SCRG1: variants seen among roughly 807,000 people sequenced by gnomAD.
SCRG1 encodes the protein stimulator of chondrogenesis 1, also known as scrapie-responsive protein 1.
In SCRG1, 3 loss-of-function variants were observed where a neutral mutation model predicts 7.7. That is an observed-to-expected ratio of 0.39 (90% CI 0.18 to 1.01). The LOEUF (loss-of-function observed/expected upper bound fraction) is 1.01, where lower values mean the gene tolerates loss of function less well. Ranked by LOEUF, SCRG1 falls within the 50% of genes least tolerant of loss-of-function variation. The pLI is 0.36. For synonymous variants in SCRG1, 46 were observed against 41.2 expected (o/e 1.12, Z -0.44); for missense variants, 110 against 117.2 (o/e 0.94, Z 0.28).
At chr4:173,490,389 T>C in the SCRG1 span, among the ~76,000 whole-genome samples, 2 of 152,206 alleles carry the variant, frequency 1.3e-5, no homozygotes, top group Non-Finnish European at 2.9e-5. Context: ...CAGGAATTGC[T>C]TCATTAAGAA....
At chr4:173,457,669 T>G in the SCRG1 span, among the ~76,000 whole-genome samples, 4 of 152,166 alleles carry the variant, frequency 2.6e-5, no homozygotes, top group Non-Finnish European at 5.9e-5. Context: ...ACTTTTAACT[T>G]AGGTTTTATC....
At chr4:173,454,212 T>G in the SCRG1 span, among the ~76,000 whole-genome samples, 1 of 151,748 alleles carries the variant, frequency 6.6e-6, no homozygotes, top group African/African-American at 2.4e-5. Context: ...AGACAGGCAA[T>G]GCAGTTGAAA....
chr4:173,454,926 T>C, the SCRG1 span, among the ~76,000 whole-genome samples: 5 of 152,336 alleles, frequency 3.3e-5, no homozygotes, highest in South Asian at 6.2e-4. Flanking sequence ...AAGTGCTAAA[T>C]AGCTATTTCC....
chr4:173,414,310 A>G, the SCRG1 span, among the ~76,000 whole-genome samples: 1 of 152,180 alleles, frequency 6.6e-6, no homozygotes, highest in Non-Finnish European at 1.5e-5. Context: ...AGTTTCTTTA[A>G]AATCAACAGA....
chr4:173,494,803 A>G, the SCRG1 span, among the ~76,000 whole-genome samples: 1 of 152,254 alleles, frequency 6.6e-6, no homozygotes, highest in Admixed American at 6.5e-5. Context: ...AGTGGATTCC[A>G]CATTTAAGGC....
At chr4:173,419,696 A>G in the SCRG1 span, 1 of 863,462 alleles carries the variant, frequency 1.2e-6, no homozygotes, top group Non-Finnish European at 2.0e-6. Context: ...CGGGGCACCA[A>G]ACACTTTATT....
the SCRG1 span, among the ~76,000 whole-genome samples, chr4:173,435,817 C>T: frequency 6.6e-6 from 1 of 152,114 alleles, no homozygotes; most frequent in Non-Finnish European, 1.5e-5. Context: ...GTCGCCATGC[C>T]TCTCAAAATT....
At chr4:173,446,888 A>G in the SCRG1 span, among the ~76,000 whole-genome samples, 7 of 152,194 alleles carry the variant, frequency 4.6e-5, no homozygotes, top group Non-Finnish European at 1.0e-4. Context: ...TGACTGACGG[A>G]CTATGGTTAA....
the SCRG1 span, among the ~76,000 whole-genome samples, chr4:173,513,510 G>T: frequency 2.2e-4 from 33 of 152,358 alleles, 1 homozygote; most frequent in South Asian, 1.0e-3. Flanking sequence ...GTATGTGAAG[G>T]GGAGTGCTCT....
At chr4:173,428,815 A>G in the SCRG1 span, among the ~76,000 whole-genome samples, 3 of 152,210 alleles carry the variant, frequency 2.0e-5, no homozygotes, top group Admixed American at 6.5e-5. Flanking sequence ...AGATCTGTAA[A>G]ATTTTGATAG....
chr4:173,477,186 C>T, the SCRG1 span, among the ~76,000 whole-genome samples: 5 of 152,238 alleles, frequency 3.3e-5, no homozygotes, highest in Admixed American at 3.3e-4. Context: ...AGTTCAATGC[C>T]TGCTGCTCAC....
chr4:173,435,068 T>G, the SCRG1 span, among the ~76,000 whole-genome samples: 12 of 152,026 alleles, frequency 7.9e-5, no homozygotes, highest in Non-Finnish European at 1.5e-4. Context: ...GATTTAGGAT[T>G]CACTATTATA....
the SCRG1 span, among the ~76,000 whole-genome samples, chr4:173,444,756 C>T: frequency 6.6e-6 from 1 of 152,130 alleles, no homozygotes; most frequent in African/African-American, 2.4e-5. Flanking sequence ...CCTTGTTTTT[C>T]TCTGGATCTT....
the SCRG1 span, among the ~76,000 whole-genome samples, chr4:173,501,014 G>T: frequency 6.6e-6 from 1 of 152,216 alleles, no homozygotes; most frequent in African/African-American, 2.4e-5. The surrounding 1 kb of genome is among the most constrained non-coding windows in gnomAD (Gnocchi z 5.1). Flanking sequence ...CCCAGAGGCG[G>T]GAGGCTCCCA....
rs1739216999 is a variant in SCRG1, at chr4:173,385,341, G to A, written c.*3000C>T. 6.6e-6 allele frequency: 1 copy of A among 152,066 alleles called. No homozygotes were observed. Among genetic ancestry groups the A allele is most frequent in the Admixed American group, 6.6e-5 (1 of 15,262 alleles). The allele number at this position is 152,066 out of a possible 1,614,324, so 9.4% of individuals were successfully genotyped here. ...AAAAATTAGCTGAGCATGGTGACAA[G>A]TGCCTGTAGTCCCAGCTACTCAGGA... On this transcript the variant is annotated 3_prime_UTR_variant, in exon 3 of 3. Transcript: ENST00000296506.
intron 1 of SCRG1, among the ~76,000 whole-genome samples, chr4:173,406,077 A>T (rs1200873002): frequency 1.3e-4 from 20 of 152,256 alleles, no homozygotes; most frequent in Admixed American, 1.3e-3. Flanking sequence ...CAACCTAAAC[A>T]TGAGTTTATT....
At chr4:173,440,218 C>G in the SCRG1 span, among the ~76,000 whole-genome samples, 3 of 152,164 alleles carry the variant, frequency 2.0e-5, no homozygotes, top group African/African-American at 4.8e-5. Context: ...AACTTTTGCT[C>G]TCTACAGAAT....
At chr4:173,456,946 C>T in the SCRG1 span, among the ~76,000 whole-genome samples, 1 of 152,164 alleles carries the variant, frequency 6.6e-6, no homozygotes, top group African/African-American at 2.4e-5. Context: ...GTTTACTGTA[C>T]TTGCTTGCTT....
At chr4:173,424,771 T>C in the SCRG1 span, among the ~76,000 whole-genome samples, 2 of 152,086 alleles carry the variant, frequency 1.3e-5, no homozygotes, top group African/African-American at 4.8e-5. Context: ...TAGCTGGGCA[T>C]AGTGGCATGG....
Sources: gnomAD v4.1 joint callset for allele counts (sites outside exome capture counted in the v4.1 genomes callset) on GRCh38, gnomAD v4.1.1 for gene constraint, Gnocchi (gnomAD v3.1) non-coding constraint, MANE v1.5 for transcripts, NCBI Gene and HGNC (gene_info 2026-07-23, HGNC 2026-07-21) for gene names.